Variants in RBFOX1 observed in about 807,000 individuals in gnomAD.
The protein encoded by RBFOX1 is RNA binding fox-1 homolog 1.
A neutral mutation model predicts 57.7 loss-of-function variants in RBFOX1; 8 were observed. The observed-to-expected ratio is 0.14, with a 90% confidence interval of 0.08 to 0.25. The LOEUF is 0.25. Among genes scored for constraint, RBFOX1 ranks in the 10% least tolerant of loss-of-function variants. RBFOX1 has a pLI of 1.00. For synonymous variants in RBFOX1, 326 were observed against 222.4 expected (o/e 1.47, Z -4.15); for missense variants, 611 against 548.5 (o/e 1.11, Z -1.14).
intron 4 of RBFOX1, among the ~76,000 whole-genome samples, chr16:7,240,560 G>C (rs867490419): frequency 2.0e-5 from 3 of 151,868 alleles, no homozygotes; most frequent in East Asian, 1.9e-4. Flanking sequence ...GTTTGTTTTT[G>C]TTTGTTTGTT....
intron 4 of RBFOX1, among the ~76,000 whole-genome samples, chr16:7,376,476 G>A (rs1396471798): frequency 1.3e-5 from 2 of 152,188 alleles, no homozygotes; most frequent in Admixed American, 6.5e-5. Context: ...AACATGCTGG[G>A]AGAAAGATTA....
At chr16:7,282,161 C>A (rs373376294) in intron 4 of RBFOX1, among the ~76,000 whole-genome samples, 3 of 152,174 alleles carry the variant, frequency 2.0e-5, no homozygotes, top group South Asian at 4.1e-4. Flanking sequence ...CTGTACCTGG[C>A]CGACTAAAGC....
At chr16:6,756,140 T>C (rs555075137) in intron 3 of RBFOX1, among the ~76,000 whole-genome samples, 25 of 152,294 alleles carry the variant, frequency 1.6e-4, no homozygotes, top group African/African-American at 5.5e-4. Flanking sequence ...CTTCAACATT[T>C]AATTTCAAGC....
At chr16:5,378,183 C>G (rs1369732917) in intron 1 of RBFOX1, among the ~76,000 whole-genome samples, 2 of 151,602 alleles carry the variant, frequency 1.3e-5, no homozygotes, top group African/African-American at 4.9e-5. Flanking sequence ...GAATATTCAG[C>G]AACAGCTTCT....
At chr16:7,395,516 T>C (rs568084850) in intron 4 of RBFOX1, among the ~76,000 whole-genome samples, 1 of 152,336 alleles carries the variant, frequency 6.6e-6, no homozygotes, top group Non-Finnish European at 1.5e-5. Context: ...GACGGAATAC[T>C]AAATCTCTTG....
intron 2 of RBFOX1, among the ~76,000 whole-genome samples, chr16:6,409,412 C>G (rs1289730730): frequency 6.6e-6 from 1 of 152,138 alleles, no homozygotes; most frequent in Non-Finnish European, 1.5e-5. Context: ...GAAACCCGGT[C>G]TCAAAACAAA....
In RBFOX1 at chr16:7,106,984, A is replaced by ACACACACACACACACAC. The variant is rs1567282011; in HGVS notation, c.27+54886_27+54887insCACACACACACACACAC. 5.2e-3 allele frequency among the ~76,000 whole-genome samples: 771 copies of ACACACACACACACACAC among 148,608 alleles called. 3 individuals carry two copies. The highest frequency in any genetic ancestry group is 0.014 in the African/African-American group (546 of 40,274). ...ATTCCCATGTAAGCCACACAGTTAA[A>ACACACACACACACACAC]ACACACACACACACACACACACACT... On this transcript the variant is annotated intron_variant, in intron 4 of 15. Coordinates refer to ENST00000550418, the MANE Select transcript of RBFOX1 (RefSeq NM_018723.4).
At chr16:5,420,838 C>T (rs980248464) in intron 1 of RBFOX1, among the ~76,000 whole-genome samples, 28 of 151,084 alleles carry the variant, frequency 1.9e-4, no homozygotes, top group African/African-American at 5.8e-4. Flanking sequence ...GCCCAGCCAT[C>T]GTCTACCACC....
chr16:6,865,560 C>A (rs917937835), intron 3 of RBFOX1, among the ~76,000 whole-genome samples: 4 of 152,058 alleles, frequency 2.6e-5, no homozygotes, highest in Admixed American at 1.3e-4. Flanking sequence ...GGTAGAAATA[C>A]AATTTGTATT....
chr16:6,473,012 A>G (rs912732742), intron 2 of RBFOX1, among the ~76,000 whole-genome samples: 1 of 152,086 alleles, frequency 6.6e-6, no homozygotes, highest in South Asian at 2.1e-4. Flanking sequence ...AAACTCTTCC[A>G]CCTTTACAAG....
chr16:6,578,287 A>G (rs1310018718), intron 2 of RBFOX1, among the ~76,000 whole-genome samples: 3 of 152,124 alleles, frequency 2.0e-5, no homozygotes, highest in Admixed American at 6.5e-5. Context: ...CTTGGCCTAA[A>G]ATGGATCATC....
At chr16:6,274,950 G>C (rs2075634839) in intron 1 of RBFOX1, among the ~76,000 whole-genome samples, 1 of 152,192 alleles carries the variant, frequency 6.6e-6, no homozygotes, top group South Asian at 2.1e-4. Context: ...GGACAACAGA[G>C]TGAGACACTG....
chr16:6,380,397 G>T (rs1459042406), intron 2 of RBFOX1, among the ~76,000 whole-genome samples: 1 of 108,416 alleles, frequency 9.2e-6, no homozygotes, highest in African/African-American at 3.4e-5. Context: ...GAATGGTGGG[G>T]ATTTTTTTTT....
chr16:5,534,691 C>G (rs2044626571), intron 2 of RBFOX1, among the ~76,000 whole-genome samples: 1 of 152,138 alleles, frequency 6.6e-6, no homozygotes, highest in African/African-American at 2.4e-5. Flanking sequence ...TCTTCCTTTC[C>G]CAGTCCACTG....
At chr16:7,291,015 G>A (rs570889376) in intron 4 of RBFOX1, among the ~76,000 whole-genome samples, 3 of 152,264 alleles carry the variant, frequency 2.0e-5, no homozygotes, top group Admixed American at 1.3e-4. Flanking sequence ...TAGGCACTGG[G>A]CATTCTGGGA....
chr16:6,585,571 C>A (rs183559426), intron 2 of RBFOX1, among the ~76,000 whole-genome samples: 2 of 152,040 alleles, frequency 1.3e-5, no homozygotes, highest in Non-Finnish European at 2.9e-5. Context: ...TAATTCACTG[C>A]GGTGGGCTGG....
intron 14 of RBFOX1, among the ~76,000 whole-genome samples, chr16:7,700,832 G>T (rs571203415): frequency 1.3e-5 from 2 of 151,788 alleles, no homozygotes; most frequent in Non-Finnish European, 2.9e-5. Flanking sequence ...GAGGTTTTCA[G>T]AATAGGAAGA....
At chr16:6,579,304 A>G (rs565226944) in intron 2 of RBFOX1, among the ~76,000 whole-genome samples, 13 of 152,208 alleles carry the variant, frequency 8.5e-5, no homozygotes, top group African/African-American at 3.1e-4. Flanking sequence ...ACTGGGCTCA[A>G]GCAGTCCTCC....
intron 2 of RBFOX1, among the ~76,000 whole-genome samples, chr16:6,346,488 G>C (rs367854441): frequency 1.7e-4 from 24 of 143,864 alleles, no homozygotes; most frequent in African/African-American, 5.7e-4. Flanking sequence ...ATCAGGTACT[G>C]TTCCAACGAG....
Sources: gnomAD v4.1 joint callset for allele counts (sites outside exome capture counted in the v4.1 genomes callset) on GRCh38, gnomAD v4.1.1 for gene constraint, MANE v1.5 for transcripts, NCBI Gene and HGNC (gene_info 2026-07-23, HGNC 2026-07-21) for gene names.